SOX6: variants seen among roughly 807,000 people sequenced by gnomAD.
The protein encoded by SOX6 is SRY-box transcription factor 6.
Under a neutral mutation model 97.8 loss-of-function variants are expected in SOX6, and 11 were observed. The observed-to-expected ratio is 0.11, with a 90% CI of 0.07 to 0.19. The LOEUF (loss-of-function observed/expected upper bound fraction) is 0.19, where lower values mean the gene tolerates loss of function less well. SOX6 is among the 10% of genes least tolerant of loss of function. The pLI, the probability that SOX6 is intolerant of heterozygous loss-of-function variation, is 1.00. For missense variants in SOX6, 810 were observed against 1,039.5 expected (o/e 0.78, Z 3.04); for synonymous variants, 360 against 371.4 (o/e 0.97, Z 0.35).
At chr11:16,211,736 T>C (rs1852239857) in intron 4 of SOX6, among the ~76,000 whole-genome samples, 1 of 152,138 alleles carries the variant, frequency 6.6e-6, no homozygotes, top group African/African-American at 2.4e-5. Flanking sequence ...GTGTCTCACA[T>C]TGGTTGAACC....
Position 16,005,393 on chromosome 11 carries a change from G to C in SOX6, c.1732+9549C>G, listed in dbSNP as rs546173327. 1.6e-3 allele frequency among the ~76,000 whole-genome samples: 243 copies of C among 151,624 alleles called. 1 individual carries two copies. The highest frequency in any genetic ancestry group is 5.5e-3 in the African/African-American group (227 of 41,394). The stretch of plus-strand genomic sequence containing the variant: ...AATCAGACCATACTGCTCATACAGA[G>C]CCAGAAGAAAAGAAGAGACCATTAT... On this transcript the variant is annotated intron_variant, in intron 13 of 15. Transcript: ENST00000683767.
chr11:16,378,319 A>G (rs1048340439), intron 1 of SOX6, among the ~76,000 whole-genome samples: 8 of 152,120 alleles, frequency 5.3e-5, no homozygotes, highest in Non-Finnish European at 1.2e-4. Context: ...AATCACAGAG[A>G]TTTGGAAGTG....
At chr11:16,571,169 A>G (rs1256134598) in intron 4 of SOX6, among the ~76,000 whole-genome samples, 1 of 152,214 alleles carries the variant, frequency 6.6e-6, no homozygotes, top group Non-Finnish European at 1.5e-5. Flanking sequence ...AAATAAAAAC[A>G]AAACAAAAAT....
chr11:16,464,915 T>C (rs979700531), intron 1 of SOX6, among the ~76,000 whole-genome samples: 2 of 152,166 alleles, frequency 1.3e-5, no homozygotes, highest in South Asian at 2.1e-4. Context: ...TCCTTTTACA[T>C]TGGTATTGTC....
At chr11:16,258,592 C>T (rs753981302) in intron 3 of SOX6, among the ~76,000 whole-genome samples, 29 of 151,670 alleles carry the variant, frequency 1.9e-4, no homozygotes, top group Non-Finnish European at 3.1e-4. Context: ...TATTTTTTTA[C>T]GGTAGTGAAA....
At position 16,349,372 on chromosome 11, in the gene SOX6, T is replaced by C. The variant is rs970048093; in HGVS notation, c.-5+6722A>G. On this transcript the variant is annotated intron_variant, in intron 1 of 15. Coordinates refer to ENST00000683767, the MANE Select transcript of SOX6 (RefSeq NM_001367873.1). Reference sequence around the variant, plus strand: ...TGGCTCATGCCTGTAATCCCAGCACTTTGGGAAGCTAAGGCAGGTGGATCA... The same window carrying C: ...TGGCTCATGCCTGTAATCCCAGCACCTTGGGAAGCTAAGGCAGGTGGATCA... Among the ~76,000 whole-genome samples the C allele has an allele frequency of 1.1e-4, 17 of 152,094 alleles. 1 individual carries two copies. Among genetic ancestry groups the C allele is most frequent in the Non-Finnish European group, 5.9e-5 (4 of 68,016 alleles).
At chr11:16,305,637 G>T (rs1855406140) in intron 3 of SOX6, among the ~76,000 whole-genome samples, 1 of 152,102 alleles carries the variant, frequency 6.6e-6, no homozygotes, top group African/African-American at 2.4e-5. Context: ...GTCAAAAACT[G>T]GAATCTGCAC....
intron 2 of SOX6, among the ~76,000 whole-genome samples, chr11:16,727,982 C>G (rs1848320168): frequency 6.6e-6 from 1 of 152,112 alleles, no homozygotes; most frequent in Non-Finnish European, 1.5e-5. Context: ...AGATATACAT[C>G]TGGGTGGAGC....
At chr11:16,564,756 C>T (rs1454181687) in intron 4 of SOX6, among the ~76,000 whole-genome samples, 1 of 151,658 alleles carries the variant, frequency 6.6e-6, no homozygotes, top group Non-Finnish European at 1.5e-5. Flanking sequence ...AAAAAAGAAA[C>T]ACTAAACTAA....
Position 16,605,131 on chromosome 11 carries a change from G to A in SOX6, n.609+6950C>T, listed in dbSNP as rs1041126637. Among the ~76,000 whole-genome samples the A allele has an allele frequency of 1.3e-5, 2 of 151,976 alleles. No individual in the cohort carries two copies. The highest frequency in any genetic ancestry group is 4.8e-5 in the African/African-American group (2 of 41,430). ...AGCACCGCCCCCTGCCCTGGGCCGA[G>A]CCCGGGAGCAGCGGACCGCGGCCCC... On this transcript the variant is annotated intron_variant and non_coding_transcript_variant, in intron 4 of 5. Coordinates refer to the SOX6 transcript ENST00000524520. The surrounding 1 kb of genome is among the most constrained non-coding windows in gnomAD (Gnocchi z 5.3).
chr11:16,402,517 A>C, intron 1 of SOX6: 2 of 807,820 alleles, frequency 2.5e-6, no homozygotes, highest in Non-Finnish European at 4.2e-6. Context: ...AGAGCTTCCC[A>C]GAGATTTGAT....
intron 3 of SOX6, among the ~76,000 whole-genome samples, chr11:16,644,329 T>C (rs549471755): frequency 2.5e-4 from 38 of 152,282 alleles, no homozygotes; most frequent in African/African-American, 8.7e-4. Context: ...TCACCCACCA[T>C]ACCTGGCCCA....
intron 3 of SOX6, among the ~76,000 whole-genome samples, chr11:16,649,748 C>G (rs1321900441): frequency 6.6e-6 from 1 of 151,352 alleles, no homozygotes; most frequent in South Asian, 2.1e-4. Context: ...CAACAATTAA[C>G]GTGATGAATA....
intron 4 of SOX6, chr11:16,484,723 A>G: frequency 1.9e-6 from 1 of 513,030 alleles, no homozygotes; most frequent in South Asian, 2.5e-5. Context: ...GTTCAGTCCA[A>G]GATAAATCTT....
intron 4 of SOX6, among the ~76,000 whole-genome samples, chr11:16,573,276 A>G (rs1419255040): frequency 6.6e-6 from 1 of 152,238 alleles, no homozygotes; most frequent in East Asian, 1.9e-4. Flanking sequence ...GGCCAGCTTC[A>G]TTTAAATGTG....
In SOX6 at chr11:16,406,684, G is replaced by A. The variant is rs371855981; in HGVS notation, c.-4-65432C>T. On this transcript the variant is annotated intron_variant, in intron 1 of 15. Transcript: ENST00000396356. ...GAGGACAAATGCCCTATCAATATTG[G>A]AAGGGCACTGAAAAGTTTTATGGCA... Among the ~76,000 whole-genome samples the A allele has an allele frequency of 3.3e-5, 5 of 152,146 alleles. No homozygotes were observed. The East Asian group carries it at 7.7e-4, about 24-fold the overall frequency.
At chr11:16,204,900 T>C (rs957879930) in intron 4 of SOX6, among the ~76,000 whole-genome samples, 4 of 152,064 alleles carry the variant, frequency 2.6e-5, no homozygotes, top group African/African-American at 4.8e-5. Context: ...GACTAGAACC[T>C]AGAAGTCCTA....
At chr11:15,978,995 TAC>T (rs1390798967) in intron 15 of SOX6, among the ~76,000 whole-genome samples, 273 of 111,224 alleles carry the variant, frequency 2.5e-3, no homozygotes, top group Non-Finnish European at 4.3e-3. Flanking sequence ...TAAGCATATA[TAC>T]ATGCTTATTT....
chr11:16,475,068 G>A (rs1187285924), intron 1 of SOX6, among the ~76,000 whole-genome samples: 2 of 152,162 alleles, frequency 1.3e-5, no homozygotes, highest in Admixed American at 6.6e-5. Flanking sequence ...TTCTTCTGCA[G>A]CTTCCTCCCT....
Sources: allele counts gnomAD v4.1 joint callset (sites outside exome capture counted in the v4.1 genomes callset), GRCh38; gene constraint gnomAD v4.1.1; non-coding constraint Gnocchi (gnomAD v3.1); transcripts MANE v1.5; gene names NCBI Gene and HGNC (gene_info 2026-07-23, HGNC 2026-07-21).